Variants in ERBB4 observed in about 807,000 individuals in gnomAD.
ERBB4 encodes erb-b2 receptor tyrosine kinase 4.
ERBB4 carries 42 observed loss-of-function variants against 158.0 expected under a neutral mutation model. The ratio of observed to expected loss-of-function variants is 0.27; its 90% confidence interval spans 0.21 to 0.34. ERBB4 has a LOEUF of 0.34. Among genes scored for constraint, ERBB4 ranks in the 10% least tolerant of loss-of-function variants. The pLI, the probability that ERBB4 is intolerant of heterozygous loss-of-function variation, is 1.00. For missense variants in ERBB4, 1,333 were observed against 1,624.1 expected (o/e 0.82, Z 3.08); for synonymous variants, 583 against 558.7 (o/e 1.04, Z -0.61).
intron 2 of ERBB4, among the ~76,000 whole-genome samples, chr2:212,044,467 AT>A (rs2077211442): frequency 3.9e-5 from 6 of 152,112 alleles, no homozygotes. Context: ...TTTGAAACAG[AT>A]TTCGTATCAG....
chr2:211,754,112 G>A (rs1486504488), intron 4 of ERBB4, among the ~76,000 whole-genome samples: 5 of 151,812 alleles, frequency 3.3e-5, no homozygotes, highest in African/African-American at 4.8e-5. Flanking sequence ...TGCCTGCCTC[G>A]GCCTCCCAAA....
At chr2:212,512,004 A>T (rs1331670975) in intron 1 of ERBB4, among the ~76,000 whole-genome samples, 1 of 152,126 alleles carries the variant, frequency 6.6e-6, no homozygotes, top group Non-Finnish European at 1.5e-5. Context: ...GTTTCTCTGG[A>T]AGCCTGCCAG....
rs1187954499 is a variant in ERBB4, at chr2:211,892,036, A to AGG, written c.421+55393_421+55394insCC. 6.0e-3 allele frequency among the ~76,000 whole-genome samples: 748 copies of AGG among 125,100 alleles called. 67 individuals carry two copies. The highest frequency in any genetic ancestry group is 0.024 in the African/African-American group (713 of 29,560). 82.1% of individuals were successfully genotyped at this position (125,100 alleles called of 152,430 possible). ...TATTCCAATCAATAGAAAAAGAGGG[A>AGG]ATCCTCCCTAACTCATTTTATGAGG... On this transcript the variant is annotated intron_variant, in intron 3 of 27. Coordinates refer to ENST00000342788, the MANE Select transcript of ERBB4 (RefSeq NM_005235.3).
intron 25 of ERBB4, among the ~76,000 whole-genome samples, chr2:211,392,466 C>CTATT (rs545112084): frequency 6.6e-6 from 1 of 151,658 alleles, no homozygotes; most frequent in East Asian, 1.9e-4. Context: ...TGTCTTTTGT[C>CTATT]TATTTATGTA....
intron 20 of ERBB4, among the ~76,000 whole-genome samples, chr2:211,451,390 T>C (rs987421826): frequency 6.6e-6 from 1 of 152,258 alleles, no homozygotes; most frequent in Non-Finnish European, 1.5e-5. Context: ...ACAGTATTTG[T>C]AGACTATTCT....
At chr2:212,502,062 T>G (rs1690923190) in intron 1 of ERBB4, among the ~76,000 whole-genome samples, 1 of 152,130 alleles carries the variant, frequency 6.6e-6, no homozygotes, top group African/African-American at 2.4e-5. Flanking sequence ...TGTTAATTAA[T>G]GAAAAGTTGT....
chr2:212,120,097 A>G (rs2079701549), intron 2 of ERBB4, among the ~76,000 whole-genome samples: 1 of 152,142 alleles, frequency 6.6e-6, no homozygotes, highest in African/African-American at 2.4e-5. Context: ...GTAGTGTAGG[A>G]AACAGAAATG....
chr2:212,207,171 A>G (rs1313488269), intron 1 of ERBB4, among the ~76,000 whole-genome samples: 1 of 152,142 alleles, frequency 6.6e-6, no homozygotes, highest in African/African-American at 2.4e-5. Flanking sequence ...ATCATAAATG[A>G]TCAGTGATGG....
chr2:211,816,101 C>T (rs980075382), intron 3 of ERBB4, among the ~76,000 whole-genome samples: 57 of 152,090 alleles, frequency 3.7e-4, no homozygotes, highest in African/African-American at 1.4e-3. Context: ...GTGAGACTTG[C>T]CTTGTAATTG....
At chr2:211,813,149 C>T (rs888165413) in intron 3 of ERBB4, among the ~76,000 whole-genome samples, 5 of 152,094 alleles carry the variant, frequency 3.3e-5, no homozygotes, top group Non-Finnish European at 5.9e-5. Flanking sequence ...AGCTGCAGAC[C>T]GGAGCTGTTG....
intron 1 of ERBB4, among the ~76,000 whole-genome samples, chr2:212,338,466 T>A (rs1408343379): frequency 6.6e-6 from 1 of 152,134 alleles, no homozygotes; most frequent in Non-Finnish European, 1.5e-5. Flanking sequence ...ATTTAATGTC[T>A]CATTGTGATG....
chr2:212,288,088 G>C (rs1234598190), intron 1 of ERBB4, among the ~76,000 whole-genome samples: 1 of 152,112 alleles, frequency 6.6e-6, no homozygotes, highest in Non-Finnish European at 1.5e-5. Flanking sequence ...AATGAGATGA[G>C]AAGAGAGAAA....
intron 16 of ERBB4, among the ~76,000 whole-genome samples, chr2:211,638,900 TGGG>T (rs2070461397): frequency 6.6e-6 from 1 of 152,162 alleles, no homozygotes; most frequent in Non-Finnish European, 1.5e-5. Context: ...TATCAAATTT[TGGG>T]GAAGTACATA....
chr2:212,321,684 T>C (rs965355957), intron 1 of ERBB4, among the ~76,000 whole-genome samples: 1 of 150,462 alleles, frequency 6.6e-6, no homozygotes, highest in Non-Finnish European at 1.5e-5. Flanking sequence ...GCAAGATTCT[T>C]TCTCAAAAAG....
chr2:212,038,873 G>T (rs1406071014), intron 2 of ERBB4, among the ~76,000 whole-genome samples: 1 of 152,028 alleles, frequency 6.6e-6, no homozygotes, highest in Non-Finnish European at 1.5e-5. Context: ...CTTCTCTAGG[G>T]CATGATCGGG....
At chr2:211,414,361 G>C (rs1280239087) in intron 25 of ERBB4, among the ~76,000 whole-genome samples, 1 of 151,908 alleles carries the variant, frequency 6.6e-6, no homozygotes, top group Non-Finnish European at 1.5e-5. Flanking sequence ...GCCAGGCATG[G>C]TGGTGCATGC....
chr2:211,700,551 T>C (rs940530025), intron 12 of ERBB4, among the ~76,000 whole-genome samples: 2 of 152,164 alleles, frequency 1.3e-5, no homozygotes, highest in Admixed American at 6.5e-5. Context: ...AATTATAAGT[T>C]ATATTTTATG....
chr2:211,942,403 C>A (rs1184670394), intron 3 of ERBB4, among the ~76,000 whole-genome samples: 1 of 151,504 alleles, frequency 6.6e-6, no homozygotes, highest in Non-Finnish European at 1.5e-5. Flanking sequence ...GCCATCCAGG[C>A]TGGAGTGCAG....
chr2:211,375,719 C>T lies in ERBB4; in HGVS notation c.*7896G>A, dbSNP rs1017958859. On this transcript the variant is annotated 3_prime_UTR_variant, in exon 28 of 28. Transcript: ENST00000342788. ...AACAAATTTCTGACACAAAAGAGAACGTTTGTTTCATATTTTATTGAATTT... is the reference window on the plus strand; with the variant it reads ...AACAAATTTCTGACACAAAAGAGAATGTTTGTTTCATATTTTATTGAATTT... 1.1e-4 allele frequency: 24 copies of T among 224,846 alleles called. No individual in the cohort carries two copies. Among genetic ancestry groups the T allele is most frequent in the African/African-American group, 1.6e-4 (7 of 44,868 alleles). The allele number at this position is 224,846 out of a possible 1,614,324, so 13.9% of individuals were successfully genotyped here.
Sources: gnomAD v4.1 joint callset for allele counts (sites outside exome capture counted in the v4.1 genomes callset) on GRCh38, gnomAD v4.1.1 for gene constraint, MANE v1.5 for transcripts, NCBI Gene and HGNC (gene_info 2026-07-23, HGNC 2026-07-21) for gene names.